RTTN: variants seen among roughly 807,000 people sequenced by gnomAD.
RTTN encodes the protein rotatin.
A neutral mutation model predicts 269.2 loss-of-function variants in RTTN; 182 were observed. That is an observed-to-expected ratio of 0.68 (90% CI 0.60 to 0.76). The LOEUF is 0.76. Ranked by LOEUF, RTTN falls within the 30% of genes least tolerant of loss-of-function variation. The pLI, the probability that RTTN is intolerant of heterozygous loss-of-function variation, is 0.00. For missense variants in RTTN, 2,545 were observed against 2,608.6 expected (o/e 0.98, Z 0.53); for synonymous variants, 1,006 against 963.5 (o/e 1.04, Z -0.82).
chr18:70,120,255 C>A (rs2059702127), intron 26 of RTTN, among the ~76,000 whole-genome samples: 1 of 152,060 alleles, frequency 6.6e-6, no homozygotes, highest in African/African-American at 2.4e-5. Flanking sequence ...AAGGCTCTCA[C>A]CAGATATGCC....
chr18:70,104,524 G>GTTCCGT (rs1266118743), intron 28 of RTTN, among the ~76,000 whole-genome samples: 1 of 152,180 alleles, frequency 6.6e-6, no homozygotes, highest in East Asian at 1.9e-4. Context: ...GTCCAGCTTT[G>GTTCCGT]TTCCGTTGCT....
At position 70,115,447 on chromosome 18, in the gene RTTN, G is replaced by A. The variant is rs73466777; in HGVS notation, c.3529-848C>T. Among the ~76,000 whole-genome samples, 432 of 151,136 alleles carry A rather than the reference G, an allele frequency of 2.9e-3. 2 individuals are homozygous for A. Among genetic ancestry groups the A allele is most frequent in the African/African-American group, 1.0e-2 (411 of 41,256 alleles). ...TCTAATAATATTGACAAAAGAAAAC[G>A]TTACATTAATCAGAAGCATTAATAG... On this transcript the variant is annotated intron_variant, in intron 26 of 48. Coordinates refer to ENST00000640769, the MANE Select transcript of RTTN (RefSeq NM_173630.4).
In RTTN at chr18:70,058,273, T is replaced by C. The variant is rs572012274; in HGVS notation, c.4941-441A>G. Among the ~76,000 whole-genome samples the C allele has an allele frequency of 2.8e-3, 430 of 152,258 alleles. 7 individuals carry two copies. The Middle Eastern group carries it at 0.061, about 22-fold the overall frequency. On this transcript the variant is annotated intron_variant, in intron 36 of 48. Coordinates refer to ENST00000640769, the MANE Select transcript of RTTN (RefSeq NM_173630.4). The stretch of plus-strand genomic sequence containing the variant: ...GGCTCACGCCTGTAATCCCAGCACT[T>C]TGGGAGGCCAAGGTGGGTGGATCAC...
chr18:70,115,691 A>G (rs1441221035), intron 26 of RTTN, among the ~76,000 whole-genome samples: 1 of 151,996 alleles, frequency 6.6e-6, no homozygotes, highest in Non-Finnish European at 1.5e-5. Flanking sequence ...AAGCTAGTTA[A>G]TATTCCATCC....
At chr18:70,173,679 C>T (rs1411841068) in intron 11 of RTTN, among the ~76,000 whole-genome samples, 1 of 152,064 alleles carries the variant, frequency 6.6e-6, no homozygotes, top group Non-Finnish European at 1.5e-5. Flanking sequence ...AATAAGTACA[C>T]CACGAAACAC....
chr18:70,186,122 T>C (rs1280020557), intron 10 of RTTN, among the ~76,000 whole-genome samples: 1 of 149,920 alleles, frequency 6.7e-6, no homozygotes, highest in Non-Finnish European at 1.5e-5. Context: ...GTTGAAGATG[T>C]GGAACAACTG....
chr18:70,041,059 T>C (rs1192370491), intron 40 of RTTN, among the ~76,000 whole-genome samples: 1 of 151,556 alleles, frequency 6.6e-6, no homozygotes, highest in African/African-American at 2.4e-5. Context: ...ATATAAAAAT[T>C]AGCTGGGCAC....
At position 70,034,674 on chromosome 18, in the gene RTTN, G is replaced by A. The variant is rs184242042; in HGVS notation, c.5542-3693C>T. 2.9e-3 allele frequency among the ~76,000 whole-genome samples: 448 copies of A among 152,136 alleles called. 10 individuals are homozygous for A. The highest frequency in any genetic ancestry group is 0.026 in the Admixed American group (401 of 15,284). ...CTCTTTCACCATTCCTATTCAACAC[G>A]GTACTGGAAGTTCTGGCCAGGGCAA... On this transcript the variant is annotated intron_variant, in intron 40 of 48. Coordinates refer to ENST00000640769, the MANE Select transcript of RTTN (RefSeq NM_173630.4).
intron 40 of RTTN, among the ~76,000 whole-genome samples, 168 bp downstream of exon 40, chr18:70,047,803 G>A (rs2057533971): frequency 1.3e-5 from 2 of 152,280 alleles, no homozygotes; most frequent in South Asian, 2.1e-4. Context: ...GGGCTAAGGA[G>A]GAGATAGTTA....
Position 70,205,272 on chromosome 18 carries a change from A to AAT in RTTN, c.73_74dup (p.Leu26PhefsTer9). Reference sequence around the variant, plus strand: ...TTAAGTTGTGCTCAATCTTGCAGAGAATACTCTTGAGAGCGCGCTCCCTGA... The same window carrying AAT: ...TTAAGTTGTGCTCAATCTTGCAGAGAATATACTCTTGAGAGCGCGCTCCCTGA... On this transcript the variant is annotated frameshift_variant, in exon 2 of 49. Coordinates refer to ENST00000640769, the MANE Select transcript of RTTN (RefSeq NM_173630.4). LOFTEE classifies it high-confidence loss of function. The AAT allele has an allele frequency of 1.2e-6, 2 of 1,614,206 alleles. No homozygotes were observed. Among genetic ancestry groups the AAT allele is most frequent in the Non-Finnish European group, 1.7e-6 (2 of 1,180,042 alleles).
At chr18:70,190,403 AG>A (rs2146091238) in intron 9 of RTTN, 134 bp downstream of exon 9, 1 of 549,802 alleles carries the variant, frequency 1.8e-6, no homozygotes, top group East Asian at 2.9e-5. Flanking sequence ...TTAGGTTTTT[AG>A]AAATTTATAT....
In RTTN at chr18:70,079,223, T is replaced by TG. The variant is rs200150500; in HGVS notation, c.4375-3683dup. ...TTTTTAACCATATGTATTTATTACTTGAAAAAAAAATTTCTTCTAAAAAGT... is the reference window on the plus strand; with the variant it reads ...TTTTTAACCATATGTATTTATTACTTGGAAAAAAAAATTTCTTCTAAAAAGT... On this transcript the variant is annotated intron_variant, in intron 32 of 48. Coordinates refer to ENST00000640769, the MANE Select transcript of RTTN (RefSeq NM_173630.4). 5.0e-3 allele frequency among the ~76,000 whole-genome samples: 762 copies of TG among 152,142 alleles called. 4 individuals are homozygous for TG. Among genetic ancestry groups the TG allele is most frequent in the African/African-American group, 0.017 (722 of 41,532 alleles).
chr18:70,080,256 C>T (rs2058530100), intron 32 of RTTN, among the ~76,000 whole-genome samples: 1 of 152,038 alleles, frequency 6.6e-6, no homozygotes, highest in African/African-American at 2.4e-5. Context: ...AATGACACCC[C>T]AGGAACAATG....
Position 70,024,147 on chromosome 18 carries a change from G to C in RTTN, c.5950+575C>G, listed in dbSNP as rs142331615. On this transcript the variant is annotated intron_variant, in intron 44 of 48. Coordinates refer to ENST00000640769, the MANE Select transcript of RTTN (RefSeq NM_173630.4). ...AGCTTACAACTGCCAATGTCATCCT[G>C]TTACACTCACATAAAAATCCAAACT... 2.2e-3 allele frequency among the ~76,000 whole-genome samples: 334 copies of C among 152,240 alleles called. 2 individuals carry two copies. The highest frequency in any genetic ancestry group is 7.7e-3 in the African/African-American group (321 of 41,542).
At chr18:70,114,870 T>C (rs1394573861) in intron 26 of RTTN, among the ~76,000 whole-genome samples, 4 of 152,048 alleles carry the variant, frequency 2.6e-5, no homozygotes, top group Non-Finnish European at 4.4e-5. Flanking sequence ...TTGCCACTAT[T>C]ATATATTGAT....
At chr18:70,053,775 T>C (rs2057739837) in intron 38 of RTTN, among the ~76,000 whole-genome samples, 1 of 152,238 alleles carries the variant, frequency 6.6e-6, no homozygotes, top group Admixed American at 6.5e-5. Flanking sequence ...AAATTTGTGA[T>C]ATATTCTAGA....
intron 12 of RTTN, among the ~76,000 whole-genome samples, 164 bp from the exon 13 acceptor site, chr18:70,167,195 G>A (rs7227882): frequency 1.3e-5 from 2 of 152,110 alleles, no homozygotes; most frequent in Non-Finnish European, 2.9e-5. Context: ...AATGTCAGCC[G>A]AGGTGGAGAA....
rs1385024729 is a variant in RTTN, at chr18:70,197,635, T to A, written c.682A>T (p.Lys228Ter). ...FPAEIFLQRP[K>*]IVQSLLSLLK... ...TAGAGGGCACTGACCTGAACAATTT[T>A]TGGCCTTTGAAGGAAAATCTCAGCA... Residue 228 changes from lysine (K) to a stop codon, truncating the protein, a stop_gained, in exon 6 of 49, where the codon AAA becomes TAA. Transcript: ENST00000640769. LOFTEE classifies it high-confidence loss of function. The A allele has an allele frequency of 1.9e-6, 3 of 1,608,462 alleles. No homozygotes were observed. The highest frequency in any genetic ancestry group is 2.6e-6 in the Non-Finnish European group (3 of 1,174,980).
At chr18:70,110,836 C>A (rs1314908482) in intron 27 of RTTN, among the ~76,000 whole-genome samples, 1 of 152,212 alleles carries the variant, frequency 6.6e-6, no homozygotes, top group Non-Finnish European at 1.5e-5. Flanking sequence ...GCCAGCACAG[C>A]AGCAGTCTGA....
Sources: allele counts gnomAD v4.1 joint callset (sites outside exome capture counted in the v4.1 genomes callset), GRCh38; gene constraint gnomAD v4.1.1; transcripts MANE v1.5; gene names NCBI Gene and HGNC (gene_info 2026-07-23, HGNC 2026-07-21).